The following SNTG1 variants were observed in gnomAD, a reference collection of about 807,000 sequenced individuals.
The protein encoded by SNTG1 is gamma-1-syntrophin.
Under a neutral mutation model 74.7 loss-of-function variants are expected in SNTG1, and 39 were observed. The ratio of observed to expected loss-of-function variants is 0.52; its 90% CI spans 0.40 to 0.68. SNTG1 has a LOEUF of 0.68. SNTG1 is among the 30% of genes least tolerant of loss of function. The pLI, the probability that SNTG1 is intolerant of heterozygous loss-of-function variation, is 0.00. For missense variants in SNTG1, 685 were observed against 609.5 expected (o/e 1.12, Z -1.30); for synonymous variants, 254 against 217.1 (o/e 1.17, Z -1.49).
intron 1 of SNTG1, among the ~76,000 whole-genome samples, chr8:50,159,317 A>C (rs2082344998): frequency 6.6e-6 from 1 of 152,098 alleles, no homozygotes. Context: ...AATACTTTCA[A>C]ACATCTAGAT....
chr8:50,676,299 T>C (rs1208756467), intron 15 of SNTG1, among the ~76,000 whole-genome samples: 1 of 151,974 alleles, frequency 6.6e-6, no homozygotes, highest in Non-Finnish European at 1.5e-5. Context: ...GTCCCATATT[T>C]CTCAGAGGCT....
chr8:50,485,396 CTT>C (rs1179252484), intron 8 of SNTG1, among the ~76,000 whole-genome samples: 1 of 151,930 alleles, frequency 6.6e-6, no homozygotes, highest in Non-Finnish European at 1.5e-5. Context: ...AAAAACTTCT[CTT>C]ATACTTTTTT....
intron 12 of SNTG1, among the ~76,000 whole-genome samples, chr8:50,566,771 T>C (rs1039364586): frequency 1.3e-5 from 2 of 152,080 alleles, no homozygotes; most frequent in Non-Finnish European, 2.9e-5. Flanking sequence ...ATGAGTTTGA[T>C]GTTATCAAAC....
chr8:50,769,013 A>G (rs554412732), intron 18 of SNTG1, among the ~76,000 whole-genome samples: 261 of 151,564 alleles, frequency 1.7e-3, no homozygotes, highest in Non-Finnish European at 2.9e-3. Flanking sequence ...GAGATTTTAA[A>G]CTCCTGGGAA....
chr8:50,411,280 C>T (rs1364889770), intron 4 of SNTG1, among the ~76,000 whole-genome samples: 2 of 151,898 alleles, frequency 1.3e-5, no homozygotes, highest in Non-Finnish European at 1.5e-5. Flanking sequence ...AACCCCTTCT[C>T]TACTAAAAAT....
rs1252313260 is a variant in SNTG1 at position 50,660,640 on chromosome 8, A to G, written c.1038+1977A>G. ...ACGCAACACATATTTATATATTCTT[A>G]CTTAGACTTAAATTATTTTCTAACC... is the stretch of plus-strand genomic sequence containing the variant. On this transcript the variant is annotated intron_variant, in intron 15 of 18. Coordinates refer to ENST00000642720, the MANE Select transcript of SNTG1 (RefSeq NM_018967.5). 3.9e-5 allele frequency among the ~76,000 whole-genome samples: 6 copies of G among 152,278 alleles called. No homozygotes were observed. In the East Asian group the frequency reaches 1.2e-3, roughly 29 times the overall value.
At chr8:50,021,731 T>A (rs1315925513) in intron 1 of SNTG1, among the ~76,000 whole-genome samples, 1 of 151,038 alleles carries the variant, frequency 6.6e-6, no homozygotes, top group African/African-American at 2.4e-5. Context: ...TCCCCAAGAG[T>A]TTGAGACCAG....
intron 18 of SNTG1, among the ~76,000 whole-genome samples, chr8:50,760,722 C>A (rs1585727590): frequency 1.3e-5 from 2 of 151,798 alleles, no homozygotes; most frequent in East Asian, 3.9e-4. Flanking sequence ...ATACAAGCTA[C>A]CCTCAGAGAA....
At chr8:50,712,627 G>A (rs1219399408) in intron 17 of SNTG1, among the ~76,000 whole-genome samples, 2 of 151,978 alleles carry the variant, frequency 1.3e-5, no homozygotes, top group African/African-American at 2.4e-5. Context: ...CCTGCATTAG[G>A]TATTTGACCT....
intron 1 of SNTG1, among the ~76,000 whole-genome samples, chr8:50,153,616 C>T (rs964764230): frequency 2.0e-5 from 3 of 152,210 alleles, no homozygotes; most frequent in African/African-American, 4.8e-5. Context: ...AGTTTTCCTT[C>T]TACCAGTCAG....
chr8:50,750,943 A>T (rs773267359), intron 17 of SNTG1, among the ~76,000 whole-genome samples: 2 of 151,810 alleles, frequency 1.3e-5, no homozygotes, highest in Non-Finnish European at 2.9e-5. Context: ...TTTATCTATC[A>T]CATTTTATTC....
intron 15 of SNTG1, among the ~76,000 whole-genome samples, chr8:50,686,537 A>T (rs1291705929): frequency 2.6e-5 from 4 of 152,306 alleles, no homozygotes; most frequent in Admixed American, 6.5e-5. Flanking sequence ...TAAAGCAACT[A>T]AAACTCAGAA....
At chr8:50,652,452 G>C (rs2095153029) in intron 13 of SNTG1, among the ~76,000 whole-genome samples, 1 of 151,924 alleles carries the variant, frequency 6.6e-6, no homozygotes. Context: ...TTATCAGTTT[G>C]TTCATTTCTT....
At chr8:50,418,355 T>C (rs79842643) in intron 4 of SNTG1, among the ~76,000 whole-genome samples, 7,116 of 152,240 alleles carry the variant, frequency 0.047, 215 homozygotes, top group Middle Eastern at 0.095. Flanking sequence ...TTGGGTACCC[T>C]GCATTCCTCT....
chr8:50,705,872 A>G (rs2095441799), intron 16 of SNTG1, among the ~76,000 whole-genome samples: 1 of 152,230 alleles, frequency 6.6e-6, no homozygotes, highest in East Asian at 1.9e-4. Flanking sequence ...GGACAAATTA[A>G]AAGGTTTTCA....
chr8:50,351,200 G>A (rs568782852), intron 2 of SNTG1, among the ~76,000 whole-genome samples: 13 of 152,256 alleles, frequency 8.5e-5, no homozygotes, highest in African/African-American at 2.2e-4. Flanking sequence ...AGTTGTTCTC[G>A]TGTATTCAGT....
intron 8 of SNTG1, among the ~76,000 whole-genome samples, chr8:50,455,376 T>C (rs59660616): frequency 0.082 from 12,510 of 152,268 alleles, 572 homozygotes; most frequent in Middle Eastern, 0.17. Context: ...ATGATTCTCA[T>C]GAATAGAATT....
At chr8:50,534,315 A>G (rs1443198029) in intron 10 of SNTG1, among the ~76,000 whole-genome samples, 1 of 152,048 alleles carries the variant, frequency 6.6e-6, no homozygotes, top group Non-Finnish European at 1.5e-5. Flanking sequence ...AGTTTCAGTC[A>G]TTGCCAACGA....
intron 2 of SNTG1, among the ~76,000 whole-genome samples, chr8:50,350,327 G>T (rs530083275): frequency 6.6e-6 from 1 of 152,316 alleles, no homozygotes; most frequent in East Asian, 1.9e-4. Flanking sequence ...GGACTGGCAG[G>T]CAGCTCCACC....
Sources: gnomAD v4.1 joint callset for allele counts (sites outside exome capture counted in the v4.1 genomes callset) on GRCh38, gnomAD v4.1.1 for gene constraint, MANE v1.5 for transcripts, NCBI Gene and HGNC (gene_info 2026-07-23, HGNC 2026-07-21) for gene names.